The following RGS20 variants were observed in gnomAD, a reference collection of about 807,000 sequenced individuals.
The protein encoded by RGS20 is regulator of G protein signaling 20, also known as gz-selective GTPase-activating protein.
In RGS20, 30 loss-of-function variants were observed where a neutral mutation model predicts 33.6. The observed-to-expected ratio is 0.89, with a 90% CI of 0.67 to 1.21. The LOEUF (loss-of-function observed/expected upper bound fraction) is 1.21. Among genes scored for constraint, RGS20 ranks in the 50% most tolerant of loss-of-function variants. RGS20 has a pLI of 0.00. For synonymous variants in RGS20, 208 were observed against 197.9 expected (o/e 1.05, Z -0.43); for missense variants, 472 against 502.4 (o/e 0.94, Z 0.58).
chr8:53,874,820 T>G lies in RGS20; in HGVS notation c.166-4438T>G, dbSNP rs73680343. ...ACACCAGTCATACTGGAATAGGGTG[T>G]CCTTCATCTTACTAATTACATCTGC... On this transcript the variant is annotated intron_variant, in intron 1 of 5. Transcript: ENST00000297313. Among the ~76,000 whole-genome samples the G allele has an allele frequency of 5.6e-3, 855 of 152,360 alleles. 9 individuals are homozygous for G. Among genetic ancestry groups the G allele is most frequent in the African/African-American group, 0.019 (810 of 41,572 alleles).
At chr8:53,853,453 T>A (rs900270102) in intron 1 of RGS20, among the ~76,000 whole-genome samples, 2 of 152,180 alleles carry the variant, frequency 1.3e-5, no homozygotes, top group African/African-American at 4.8e-5. Context: ...CTAACCTCAC[T>A]AACCTGTTAA....
intron 2 of RGS20, among the ~76,000 whole-genome samples, chr8:53,882,144 G>A (rs1812404081): frequency 6.6e-6 from 1 of 152,184 alleles, no homozygotes; most frequent in African/African-American, 2.4e-5. Flanking sequence ...CTGAGAGTGG[G>A]GTGGGCGTTT....
chr8:53,927,648 T>C (rs1034068316), intron 2 of RGS20, among the ~76,000 whole-genome samples: 2 of 152,068 alleles, frequency 1.3e-5, no homozygotes, highest in Non-Finnish European at 2.9e-5. Context: ...TACATGGTCA[T>C]CCCAAAGGAC....
rs1301533413 is a variant in RGS20 at position 53,947,412 on chromosome 8, A to ATAC, written c.743+665_743+666insACT. 3.6e-5 allele frequency among the ~76,000 whole-genome samples: 5 copies of ATAC among 139,974 alleles called. 1 individual carries two copies. The highest frequency in any genetic ancestry group is 1.3e-4 in the African/African-American group (5 of 38,972). 91.8% of individuals were successfully genotyped at this position (139,974 alleles called of 152,430 possible). A position where few individuals can be genotyped will look rare whatever the true frequency, so the allele number is the denominator to read the frequency against. ...ATATGCTATATATAAGATATAGTAC[A>ATAC]TTTATATATGCTATATATGATATAG... On this transcript the variant is annotated intron_variant, in intron 4 of 5. Coordinates refer to ENST00000297313, the MANE Select transcript of RGS20 (RefSeq NM_170587.4).
chr8:53,862,846 AG>A (rs1811838805), intron 1 of RGS20, among the ~76,000 whole-genome samples: 1 of 152,198 alleles, frequency 6.6e-6, no homozygotes, highest in African/African-American at 2.4e-5. Flanking sequence ...TTTGGCCAAA[AG>A]CCAGGTTATA....
At chr8:53,958,174 C>T in intron 5 of RGS20, 96 bp from the exon 5 acceptor site, 2 of 935,378 alleles carry the variant, frequency 2.1e-6, no homozygotes, top group Non-Finnish European at 3.0e-6. Context: ...AAACAAAAAA[C>T]AAAAACAACA....
At chr8:53,883,647 C>T (rs1003850189) in intron 2 of RGS20, among the ~76,000 whole-genome samples, 13 of 152,186 alleles carry the variant, frequency 8.5e-5, no homozygotes, top group Non-Finnish European at 1.9e-4. Context: ...AATAAGAGCA[C>T]CTACCTCGGC....
At chr8:53,909,200 G>GGTATGTGTGT (rs1425312992) in intron 2 of RGS20, among the ~76,000 whole-genome samples, 47 of 71,776 alleles carry the variant, frequency 6.5e-4, no homozygotes, top group African/African-American at 2.9e-3. Context: ...TATCCATTAT[G>GGTATGTGTGT]GTATGTGTGT....
intron 2 of RGS20, among the ~76,000 whole-genome samples, chr8:53,887,683 A>C (rs1378179400): frequency 6.6e-6 from 1 of 152,206 alleles, no homozygotes; most frequent in Admixed American, 6.5e-5. Flanking sequence ...ACTACTGTTA[A>C]AAAGTACATG....
intron 2 of RGS20, among the ~76,000 whole-genome samples, chr8:53,933,056 T>TAGCATC (rs1563412320): frequency 6.6e-6 from 1 of 152,058 alleles, no homozygotes; most frequent in Non-Finnish European, 1.5e-5. Context: ...ACGAAAGGAA[T>TAGCATC]AGCATCAACA....
At chr8:53,873,283 CT>C (rs1382708298) in intron 1 of RGS20, among the ~76,000 whole-genome samples, 4 of 152,184 alleles carry the variant, frequency 2.6e-5, no homozygotes, top group African/African-American at 9.6e-5. Context: ...AATTAAATTG[CT>C]TTTCTTGATA....
intron 1 of RGS20, among the ~76,000 whole-genome samples, chr8:53,875,731 AT>A (rs1343372502): frequency 1.3e-5 from 2 of 152,238 alleles, no homozygotes; most frequent in Non-Finnish European, 2.9e-5. Flanking sequence ...GCATAAATAC[AT>A]TTTAAAAGTT....
chr8:53,957,720 C>A (rs951702070), intron 5 of RGS20, among the ~76,000 whole-genome samples: 4 of 152,230 alleles, frequency 2.6e-5, no homozygotes, highest in Non-Finnish European at 4.4e-5. Context: ...TGGGGTGGGG[C>A]CCAGGAACCG....
chr8:53,943,358 T>G (rs550998753), intron 3 of RGS20, among the ~76,000 whole-genome samples: 4 of 152,352 alleles, frequency 2.6e-5, no homozygotes, highest in Admixed American at 1.3e-4. Context: ...CATTTTGCTG[T>G]AAGGCCTTCT....
At position 53,939,672 on chromosome 8, in the gene RGS20, C is replaced by G. The variant is rs373302571; in HGVS notation, c.607C>G (p.Arg203Gly). 2.5e-6 allele frequency: 4 copies of G among 1,579,516 alleles called. No individual in the cohort carries two copies. The African/African-American group carries it at 4.0e-5, about 16-fold the overall frequency. ...CCCAGGCCAGCCCGGAGCGGGGAGT[C>G]GCGGGTCCAACGCATGCTGCTTCTG... The change falls in exon 3 of 6, where the codon CGC (arginine) becomes GGC (glycine). Residue 203 changes from arginine to glycine, a missense_variant. By Grantham distance (125) the Arg-to-Gly change is moderately radical. Transcript: ENST00000297313.
chr8:53,864,326 C>T (rs1811874414), intron 1 of RGS20, among the ~76,000 whole-genome samples: 2 of 149,360 alleles, frequency 1.3e-5, no homozygotes, highest in Admixed American at 1.4e-4. Flanking sequence ...CCCAGCTACT[C>T]GGGAGGCTGA....
intron 2 of RGS20, among the ~76,000 whole-genome samples, chr8:53,890,330 T>C (rs1812678794): frequency 6.6e-6 from 1 of 152,242 alleles, no homozygotes; most frequent in Admixed American, 6.5e-5. Flanking sequence ...ATTTAAATTA[T>C]CTGATGAAAT....
intron 1 of RGS20, among the ~76,000 whole-genome samples, chr8:53,862,368 T>C (rs1470602149): frequency 6.6e-6 from 1 of 152,204 alleles, no homozygotes; most frequent in East Asian, 1.9e-4. Flanking sequence ...ATATAAAATC[T>C]GAGCAGGTGG....
At chr8:53,939,839 T>C (rs556230112) in intron 3 of RGS20, 115 bp downstream of exon 2, 173 of 1,258,370 alleles carry the variant, frequency 1.4e-4, no homozygotes, top group African/African-American at 5.2e-4. Flanking sequence ...TCAATAAGTG[T>C]TTTTTAAGCA....
Sources: gnomAD v4.1 joint callset for allele counts (sites outside exome capture counted in the v4.1 genomes callset) on GRCh38, gnomAD v4.1.1 for gene constraint, MANE v1.5 for transcripts, NCBI Gene and HGNC (gene_info 2026-07-23, HGNC 2026-07-21) for gene names.